The following CEP85L variants were observed in gnomAD, a reference collection of about 807,000 sequenced individuals.
CEP85L encodes the protein centrosomal protein 85L.
A neutral mutation model predicts 100.3 loss-of-function variants in CEP85L; 60 were observed. The ratio of observed to expected loss-of-function variants is 0.60; its 90% CI spans 0.49 to 0.74. CEP85L has a LOEUF of 0.74. Among genes scored for constraint, CEP85L ranks in the 30% least tolerant of loss-of-function variants. The pLI, the probability that CEP85L is intolerant of heterozygous loss-of-function variation, is 0.00. For synonymous variants in CEP85L, 319 were observed against 322.7 expected, an observed-to-expected ratio of 0.99 and a Z score of 0.12; for missense variants, 973 against 936.2, an observed-to-expected ratio of 1.04 and a Z score of -0.51.
rs145042030 is a variant in CEP85L, at chr6:118,558,739, A to G, written c.1020+6790T>C. The G allele has an allele frequency of 1.6e-4, 101 of 637,548 alleles. 2 individuals are homozygous for G. The East Asian group carries it at 2.8e-3, about 17-fold the overall frequency. The allele number at this position is 637,548 out of a possible 1,614,324, so 39.5% of individuals were successfully genotyped here. A position where few individuals can be genotyped will look rare whatever the true frequency, so the allele number is the denominator to read the frequency against. On this transcript the variant is annotated intron_variant, in intron 3 of 12. Transcript: ENST00000368491. ...TTATAAATAACAATAGTGCTGAGGA[A>G]GATGAATTAGTGTAAAATTGTATTT...
chr6:118,467,775 A>T (rs1772640080), intron 12 of CEP85L, among the ~76,000 whole-genome samples: 1 of 152,188 alleles, frequency 6.6e-6, no homozygotes, highest in Admixed American at 6.5e-5. Flanking sequence ...CCCAAGAGAT[A>T]TTAAAGCACT....
chr6:118,460,782 A>C lies in CEP85L; in HGVS notation c.*4623T>G, dbSNP rs1772189608. The C allele has an allele frequency of 6.6e-6, 1 of 152,218 alleles. No homozygotes were observed. The highest frequency in any genetic ancestry group is 1.5e-5 in the Non-Finnish European group (1 of 68,036). The allele number at this position is 152,218 out of a possible 1,614,324, so 9.4% of individuals were successfully genotyped here. A position where few individuals can be genotyped will look rare whatever the true frequency, so the allele number is the denominator to read the frequency against. On this transcript the variant is annotated 3_prime_UTR_variant, in exon 13 of 13. Coordinates refer to ENST00000368491, the MANE Select transcript of CEP85L (RefSeq NM_001042475.3). Reference sequence around the variant, plus strand: ...CTTAGAGGACATAAATCTTTTTATAAAAAATTTATTTCTCTGTAAATACAA... The same window carrying C: ...CTTAGAGGACATAAATCTTTTTATACAAAATTTATTTCTCTGTAAATACAA...
At chr6:118,649,748 C>T (rs549723303) in intron 1 of CEP85L, among the ~76,000 whole-genome samples, 1 of 148,590 alleles carries the variant, frequency 6.7e-6, no homozygotes, top group East Asian at 2.0e-4. Context: ...AAAAAAAAAT[C>T]CCTACTTAAT....
intron 2 of CEP85L, among the ~76,000 whole-genome samples, chr6:118,567,241 GTGTGTGTGTATATATATATA>G (rs1428663071): frequency 0.024 from 914 of 38,026 alleles, 6 homozygotes; most frequent in African/African-American, 0.062. Flanking sequence ...GTGTGTGTGT[GTGTGTGTGTATATATATATA>G]TATATATATA....
intron 3 of CEP85L, among the ~76,000 whole-genome samples, chr6:118,562,609 C>T (rs1032333093): frequency 2.6e-5 from 4 of 152,182 alleles, no homozygotes; most frequent in Non-Finnish European, 5.9e-5. Flanking sequence ...ATCCACCCCC[C>T]ATCAGCCTCC....
chr6:118,562,290 T>C (rs927479760), intron 3 of CEP85L, among the ~76,000 whole-genome samples: 1 of 152,180 alleles, frequency 6.6e-6, no homozygotes, highest in Non-Finnish European at 1.5e-5. Flanking sequence ...TCTCAAGTTA[T>C]AAATAAAACT....
intron 1 of CEP85L, among the ~76,000 whole-genome samples, chr6:118,703,779 T>C (rs1777504704): frequency 1.3e-5 from 2 of 152,122 alleles, no homozygotes; most frequent in South Asian, 4.1e-4. Flanking sequence ...GAAAGTGAAG[T>C]TGGGGAGGTG....
At chr6:118,655,807 A>G (rs113583750), upstream of CEP85L, among the ~76,000 whole-genome samples, 2 of 152,304 alleles carry the variant, frequency 1.3e-5, no homozygotes, top group African/African-American at 2.4e-5. Flanking sequence ...TATACTTCCA[A>G]TGATTTGAGA....
chr6:118,574,675 A>G (rs967039065), intron 2 of CEP85L, among the ~76,000 whole-genome samples: 4 of 152,228 alleles, frequency 2.6e-5, no homozygotes, highest in African/African-American at 9.6e-5. Context: ...GAAAAAGCCT[A>G]CAGTACAGAT....
At chr6:118,634,592 T>C (rs1186201756) in intron 1 of CEP85L, among the ~76,000 whole-genome samples, 1 of 152,016 alleles carries the variant, frequency 6.6e-6, no homozygotes, top group Admixed American at 6.5e-5. Flanking sequence ...TAAAGCTTTG[T>C]AGATTCTAGA....
chr6:118,472,347 T>C (rs1773025051), intron 10 of CEP85L, among the ~76,000 whole-genome samples: 1 of 152,106 alleles, frequency 6.6e-6, no homozygotes, highest in African/African-American at 2.4e-5. Context: ...ATTTCTCATA[T>C]GTTGCTTGAG....
chr6:118,559,009 A>T, intron 3 of CEP85L: 1 of 1,609,928 alleles, frequency 6.2e-7, no homozygotes, highest in Non-Finnish European at 8.5e-7. Context: ...AAAGCTACAG[A>T]ATCTATTTAT....
chr6:118,470,860 T>C (rs1003814466), intron 10 of CEP85L, among the ~76,000 whole-genome samples: 4 of 152,128 alleles, frequency 2.6e-5, no homozygotes, highest in Admixed American at 2.0e-4. Context: ...TTTCCCAGAA[T>C]ACATTTGGAT....
chr6:118,576,103 A>C (rs1236705328), intron 2 of CEP85L, among the ~76,000 whole-genome samples: 1 of 152,174 alleles, frequency 6.6e-6, no homozygotes, highest in Non-Finnish European at 1.5e-5. Context: ...GTAGAAAAAA[A>C]AATGAACCAA....
At chr6:118,675,403 T>A (rs1352430535) in intron 1 of CEP85L, among the ~76,000 whole-genome samples, 2 of 152,042 alleles carry the variant, frequency 1.3e-5, no homozygotes, top group Non-Finnish European at 2.9e-5. Flanking sequence ...GAAAATGTTC[T>A]GAAATTAGAT....
At chr6:118,680,801 A>G (rs1776633689) in intron 1 of CEP85L, among the ~76,000 whole-genome samples, 1 of 151,848 alleles carries the variant, frequency 6.6e-6, no homozygotes, top group Non-Finnish European at 1.5e-5. Context: ...ACTTGAGCCC[A>G]GGAGGTCGAG....
At chr6:118,647,770 A>C (rs1400974713) in intron 1 of CEP85L, among the ~76,000 whole-genome samples, 1 of 152,236 alleles carries the variant, frequency 6.6e-6, no homozygotes, top group African/African-American at 2.4e-5. Context: ...TCAAAAGCCT[A>C]CGGGAAATAT....
intron 1 of CEP85L, among the ~76,000 whole-genome samples, chr6:118,671,229 A>C (rs1260764481): frequency 6.6e-6 from 1 of 152,226 alleles, no homozygotes; most frequent in Non-Finnish European, 1.5e-5. Context: ...GTGGCCCTAC[A>C]TAAGCAAGTG....
At chr6:118,692,572 A>G (rs549524366) in intron 1 of CEP85L, among the ~76,000 whole-genome samples, 4 of 152,204 alleles carry the variant, frequency 2.6e-5, no homozygotes, top group African/African-American at 4.8e-5. Flanking sequence ...TAAGGAAGGC[A>G]TAAATGTATC....
Sources: gnomAD v4.1 joint callset for allele counts (sites outside exome capture counted in the v4.1 genomes callset) on GRCh38, gnomAD v4.1.1 for gene constraint, MANE v1.5 for transcripts, NCBI Gene and HGNC (gene_info 2026-07-23, HGNC 2026-07-21) for gene names.